Variants in TPTE observed in about 807,000 individuals in gnomAD.
TPTE encodes the protein putative tyrosine-protein phosphatase TPTE.
A neutral mutation model predicts 84.1 loss-of-function variants in TPTE; 59 were observed. That is an observed-to-expected ratio of 0.70 (90% CI 0.57 to 0.87). The LOEUF is 0.87. TPTE is among the 40% of genes least tolerant of loss of function. TPTE has a pLI of 0.00. For synonymous variants in TPTE, 130 were observed against 223.5 expected (o/e 0.58, Z 3.73); for missense variants, 382 against 659.6 (o/e 0.58, Z 4.61).
intron 17 of TPTE, among the ~76,000 whole-genome samples, chr21:10,584,625 C>T (rs2075329942): frequency 6.6e-6 from 1 of 152,310 alleles, no homozygotes; most frequent in Non-Finnish European, 1.5e-5. Flanking sequence ...GACTGCAGGT[C>T]TGAGCCACCG....
intron 17 of TPTE, among the ~76,000 whole-genome samples, chr21:10,585,241 C>CAAAAAAAAAAAAAAAAGAAAA (rs61644136): frequency 6.9e-6 from 1 of 144,206 alleles, no homozygotes. Context: ...AAAAATGAAA[C>CAAAAAAAAAAAAAAAAGAAAA]AAAAAAAAAA....
At chr21:10,565,891 A>G (rs1371596614) in intron 10 of TPTE, among the ~76,000 whole-genome samples, 13 of 152,302 alleles carry the variant, frequency 8.5e-5, no homozygotes, top group African/African-American at 2.4e-4. Flanking sequence ...TAAGACCTCA[A>G]TGAAACAACT....
Position 10,569,560 on chromosome 21 carries a change from G to A in TPTE, c.666+24G>A, listed in dbSNP as rs747563376. On this transcript the variant is annotated intron_variant, in intron 12 of 23. Transcript: ENST00000618007. The stretch of plus-strand genomic sequence containing the variant: ...GGGTAAGTGGGCAAAACATGCTTAT[G>A]ATTCACAAAAATATTTTGTGTTTTG... 5.0e-6 allele frequency: 8 copies of A among 1,613,750 alleles called. No homozygotes were observed. The East Asian group carries it at 8.9e-5, about 18-fold the overall frequency.
intron 23 of TPTE, 50 bp from the exon 24 acceptor site, chr21:10,605,367 C>T (rs1266906170): frequency 2.5e-6 from 4 of 1,599,202 alleles, no homozygotes; most frequent in East Asian, 2.3e-5. Flanking sequence ...AACTGTGTGG[C>T]TTTTCAGTGA....
At chr21:10,542,196 C>A (rs1387195884) in intron 5 of TPTE, among the ~76,000 whole-genome samples, 199 bp from the exon 6 acceptor site, 1 of 152,304 alleles carries the variant, frequency 6.6e-6, no homozygotes, top group African/African-American at 2.4e-5. Flanking sequence ...TATTTTCCCC[C>A]GCCTAAGATT....
At chr21:10,560,713 AAG>A (rs2074782142) in intron 9 of TPTE, among the ~76,000 whole-genome samples, 1 of 152,300 alleles carries the variant, frequency 6.6e-6, no homozygotes, top group Non-Finnish European at 1.5e-5. Flanking sequence ...AAATTTTAAG[AAG>A]AGTTTGTAAA....
At chr21:10,551,566 GAAAT>G (rs1251231060) in intron 7 of TPTE, among the ~76,000 whole-genome samples, 2 of 152,280 alleles carry the variant, frequency 1.3e-5, no homozygotes, top group East Asian at 1.9e-4. Flanking sequence ...TTATTAAAAG[GAAAT>G]AAATAATGAA....
intron 2 of TPTE, among the ~76,000 whole-genome samples, chr21:10,525,315 G>T (rs1281142374): frequency 1.3e-5 from 2 of 152,312 alleles, no homozygotes; most frequent in African/African-American, 4.8e-5. Context: ...GCATAAACAG[G>T]ATAAAGGTGT....
chr21:10,531,964 A>G (rs1423472018), intron 3 of TPTE, among the ~76,000 whole-genome samples: 3 of 152,304 alleles, frequency 2.0e-5, no homozygotes, highest in Admixed American at 6.5e-5. Context: ...AATGACATAT[A>G]TCCACATAGG....
In TPTE at chr21:10,523,747, G is replaced by A. The variant is rs552353618; in HGVS notation, c.-210-833G>A. ...AGTCTTTGCTATTGTGAATAGTGCTGCAGTAAACATACGTGTGCATGTGTC... is the reference window on the plus strand; with the variant it reads ...AGTCTTTGCTATTGTGAATAGTGCTACAGTAAACATACGTGTGCATGTGTC... On this transcript the variant is annotated intron_variant, in intron 1 of 23. Coordinates refer to ENST00000618007, the MANE Select transcript of TPTE (RefSeq NM_199261.4). Among the ~76,000 whole-genome samples the A allele has an allele frequency of 1.5e-4, 23 of 152,392 alleles. No individual in the cohort carries two copies. In the South Asian group the frequency reaches 4.8e-3, roughly 32 times the overall value.
In TPTE at chr21:10,590,519, C is replaced by T. The variant is rs761887091; in HGVS notation, c.1085C>T (p.Ala362Val). The change falls in exon 18 of 24, where the codon GCA becomes GTA. Residue 362 changes from alanine (A) to valine (V), a missense_variant. Physicochemically the swap from Ala to Val is moderately conservative, Grantham distance 64. This residue lies in a region of TPTE where 37 missense variants were observed against 28.3 expected (regional missense o/e 1.31). Transcript: ENST00000618007. ...FLIASEICST[A>V]KESLYYFGER... ...ATTGCCTCTGAAATATGTTCAACTG[C>T]AAAGGTATGAAAGATGTTCTACAAA... The T allele has an allele frequency of 3.1e-6, 5 of 1,614,034 alleles. No homozygotes were observed. Among genetic ancestry groups the T allele is most frequent in the East Asian group, 4.5e-5 (2 of 44,856 alleles).
At chr21:10,540,908 C>A (rs1334147562) in intron 4 of TPTE, among the ~76,000 whole-genome samples, 2 of 152,306 alleles carry the variant, frequency 1.3e-5, no homozygotes, top group African/African-American at 4.8e-5. Flanking sequence ...TCGCTATGGT[C>A]ACAGCCTAAA....
At chr21:10,589,465 C>T (rs1252405936) in intron 17 of TPTE, among the ~76,000 whole-genome samples, 2 of 151,848 alleles carry the variant, frequency 1.3e-5, no homozygotes, top group African/African-American at 2.4e-5. Context: ...AATCTGAGCT[C>T]CCTCAGCCCT....
intron 13 of TPTE, 149 bp from the exon 14 acceptor site, chr21:10,570,336 A>T (rs1465461920): frequency 1.4e-6 from 2 of 1,382,388 alleles, no homozygotes; most frequent in Middle Eastern, 2.0e-4. Context: ...TTATTTGATT[A>T]TCCTGAGTAT....
At chr21:10,545,444 A>G (rs1369705847) in intron 7 of TPTE, among the ~76,000 whole-genome samples, 1 of 152,424 alleles carries the variant, frequency 6.6e-6, no homozygotes, top group East Asian at 1.9e-4. Context: ...CATAATTTCA[A>G]CCAGAAAAGT....
At chr21:10,532,203 T>C (rs1362024461) in intron 3 of TPTE, among the ~76,000 whole-genome samples, 1 of 152,308 alleles carries the variant, frequency 6.6e-6, no homozygotes, top group Non-Finnish European at 1.5e-5. Context: ...GTTACTTGAG[T>C]ATTCTATTTC....
chr21:10,556,617 C>G (rs868754396), intron 8 of TPTE, among the ~76,000 whole-genome samples: 1 of 152,304 alleles, frequency 6.6e-6, no homozygotes, highest in Non-Finnish European at 1.5e-5. Flanking sequence ...GGAATCGCCA[C>G]ACTGTCTTCC....
chr21:10,543,328 G>T lies in TPTE; in HGVS notation c.120-1G>T. The T allele has an allele frequency of 6.2e-7, 1 of 1,613,864 alleles. No homozygotes were observed. Among genetic ancestry groups the T allele is most frequent in the Non-Finnish European group, 8.5e-7 (1 of 1,179,866 alleles). ...GACTGTATTCTTTTATCATCCTCTAGCCCACACACAAGTGAATTTAAAGGA... is the reference window on the plus strand; with the variant it reads ...GACTGTATTCTTTTATCATCCTCTATCCCACACACAAGTGAATTTAAAGGA... On this transcript the variant is annotated splice_acceptor_variant, in intron 6 of 23. Coordinates refer to ENST00000618007, the MANE Select transcript of TPTE (RefSeq NM_199261.4). LOFTEE classifies it high-confidence loss of function.
At chr21:10,554,716 C>T (rs2074645205) in intron 8 of TPTE, among the ~76,000 whole-genome samples, 1 of 152,312 alleles carries the variant, frequency 6.6e-6, no homozygotes, top group Admixed American at 6.5e-5. Context: ...GAAAGTCCTT[C>T]TCACCCCAAG....
Sources: allele counts gnomAD v4.1 joint callset (sites outside exome capture counted in the v4.1 genomes callset), GRCh38; gene constraint gnomAD v4.1.1; regional missense constraint gnomAD v4.1.1; transcripts MANE v1.5; gene names NCBI Gene and HGNC (gene_info 2026-07-23, HGNC 2026-07-21).